Variants in METTL15 observed in about 807,000 individuals in gnomAD.
METTL15 encodes the protein methyltransferase 15, mitochondrial 12S rRNA N4-cytidine.
Under a neutral mutation model 38.3 loss-of-function variants are expected in METTL15, and 34 were observed. The ratio of observed to expected loss-of-function variants is 0.89; its 90% confidence interval spans 0.68 to 1.18. The LOEUF is 1.18. Ranked by LOEUF, METTL15 falls within the 50% of genes most tolerant of loss-of-function variation. The pLI is 0.00. For synonymous variants in METTL15, 162 were observed against 170.9 expected, an observed-to-expected ratio of 0.95 and a Z score of 0.41; for missense variants, 438 against 498.4, an observed-to-expected ratio of 0.88 and a Z score of 1.15.
chr11:28,214,185 G>A (rs1387611324), intron 4 of METTL15, among the ~76,000 whole-genome samples: 4 of 151,908 alleles, frequency 2.6e-5, no homozygotes, highest in Non-Finnish European at 5.9e-5. Context: ...TGGGACTACA[G>A]GTATGCACCT....
chr11:28,265,220 A>G (rs1034629743), intron 4 of METTL15, among the ~76,000 whole-genome samples: 2 of 151,812 alleles, frequency 1.3e-5, no homozygotes, highest in African/African-American at 2.4e-5. Flanking sequence ...AGTGGATCAT[A>G]GGGAGACTTG....
intron 6 of METTL15, among the ~76,000 whole-genome samples, chr11:28,476,868 C>T (rs187955918): frequency 2.0e-5 from 3 of 152,250 alleles, no homozygotes; most frequent in Admixed American, 2.0e-4. Context: ...TAGAACAAAT[C>T]ATATTGTGAG....
At chr11:28,160,267 T>C (rs1850411201) in intron 3 of METTL15, among the ~76,000 whole-genome samples, 1 of 152,064 alleles carries the variant, frequency 6.6e-6, no homozygotes, top group Non-Finnish European at 1.5e-5. Flanking sequence ...GTTATTGGAA[T>C]ATATATATTC....
At chr11:28,113,645 T>A in intron 3 of METTL15, 41 bp downstream of exon 3, 1 of 1,584,310 alleles carries the variant, frequency 6.3e-7, no homozygotes, top group Non-Finnish European at 8.6e-7. Context: ...TTTGTTGAGA[T>A]AAAATTCACT....
At chr11:28,208,622 A>T (rs1415270914) in intron 3 of METTL15, among the ~76,000 whole-genome samples, 2 of 152,166 alleles carry the variant, frequency 1.3e-5, no homozygotes, top group Admixed American at 1.3e-4. Flanking sequence ...GATGTCTATT[A>T]GGTCCGCTTT....
At chr11:28,145,988 A>G (rs1402496106) in intron 3 of METTL15, among the ~76,000 whole-genome samples, 1 of 152,070 alleles carries the variant, frequency 6.6e-6, no homozygotes, top group Non-Finnish European at 1.5e-5. Flanking sequence ...AGATATTTAA[A>G]TATGGCTTGG....
At chr11:28,481,078 A>G (rs1279637091) in intron 6 of METTL15, among the ~76,000 whole-genome samples, 1 of 152,230 alleles carries the variant, frequency 6.6e-6, no homozygotes, top group Admixed American at 6.5e-5. Context: ...ATCTACTTGA[A>G]AATGCATGAT....
intron 4 of METTL15, among the ~76,000 whole-genome samples, chr11:28,272,648 C>CT (rs1401996740): frequency 1.3e-5 from 2 of 152,126 alleles, no homozygotes; most frequent in Non-Finnish European, 2.9e-5. Context: ...AGCAAACCAC[C>CT]ATGGCACGTG....
intron 4 of METTL15, among the ~76,000 whole-genome samples, chr11:28,224,398 G>A (rs1184075186): frequency 3.3e-5 from 5 of 151,724 alleles, no homozygotes; most frequent in Non-Finnish European, 4.4e-5. Context: ...CTGGTATTTT[G>A]TGTTTCTTAG....
At chr11:28,495,549 A>G (rs1283727095) in intron 6 of METTL15, among the ~76,000 whole-genome samples, 1 of 152,082 alleles carries the variant, frequency 6.6e-6, no homozygotes. Context: ...ATTATAATGT[A>G]CTTCCTCTTG....
At position 28,409,369 on chromosome 11, in the gene METTL15, G is replaced by A. The variant is rs1393111039; in HGVS notation, c.*359-14930G>A. Among the ~76,000 whole-genome samples, 8 of 109,344 alleles carry A rather than the reference G, an allele frequency of 7.3e-5. No homozygotes were observed. The East Asian group carries it at 1.4e-3, about 19-fold the overall frequency. 71.7% of individuals were successfully genotyped at this position (109,344 alleles called of 152,430 possible). A position where few individuals can be genotyped will look rare whatever the true frequency, so the allele number is the denominator to read the frequency against. Reference sequence around the variant, plus strand: ...TGCACTCCAGCCTGGGAGACAGAGCGAGACTCCGTCTCAAAAAAAAAAAAA... The same window carrying A: ...TGCACTCCAGCCTGGGAGACAGAGCAAGACTCCGTCTCAAAAAAAAAAAAA... On this transcript the variant is annotated intron_variant and NMD_transcript_variant, in intron 5 of 7. Coordinates refer to the METTL15 transcript ENST00000532947.
chr11:28,385,334 G>A (rs1209213980), intron 5 of METTL15, among the ~76,000 whole-genome samples: 1 of 152,070 alleles, frequency 6.6e-6, no homozygotes, highest in Non-Finnish European at 1.5e-5. Flanking sequence ...GTGTAAGAAG[G>A]GATCCAGTTT....
downstream of METTL15, among the ~76,000 whole-genome samples, chr11:28,335,905 G>C (rs1849896587): frequency 6.6e-6 from 1 of 152,132 alleles, no homozygotes; most frequent in Admixed American, 6.6e-5. Context: ...GTTCTTTATA[G>C]AATTAAAAAT....
At chr11:28,129,914 T>G (rs1852684418) in intron 3 of METTL15, among the ~76,000 whole-genome samples, 1 of 152,100 alleles carries the variant, frequency 6.6e-6, no homozygotes, top group African/African-American at 2.4e-5. Flanking sequence ...ATACCAGTAT[T>G]AAGAAGACAC....
chr11:28,177,985 T>A (rs769082093), intron 3 of METTL15, among the ~76,000 whole-genome samples: 11 of 151,958 alleles, frequency 7.2e-5, no homozygotes, highest in Non-Finnish European at 1.6e-4. Flanking sequence ...CATTGCTGAT[T>A]TGGTTGGGAC....
chr11:28,407,489 A>G (rs1254416746), intron 5 of METTL15, among the ~76,000 whole-genome samples: 1 of 152,324 alleles, frequency 6.6e-6, no homozygotes, highest in East Asian at 1.9e-4. Context: ...CCCTTTAAAA[A>G]GCGGGCAAAG....
chr11:28,504,969 C>G lies in METTL15; in HGVS notation c.*425-21509C>G, dbSNP rs12286085. On this transcript the variant is annotated intron_variant and NMD_transcript_variant, in intron 6 of 7. Transcript: ENST00000532947. ...GTTCAGTTTATGCTTCACCACCAGACTAAGCAGCCCTGTAGTTTGACATGC... is the reference window on the plus strand; with the variant it reads ...GTTCAGTTTATGCTTCACCACCAGAGTAAGCAGCCCTGTAGTTTGACATGC... 0.027 allele frequency among the ~76,000 whole-genome samples: 4,077 copies of G among 152,248 alleles called. 313 individuals are homozygous for G. In the East Asian group the frequency reaches 0.31, roughly 12 times the overall value.
intron 6 of METTL15, among the ~76,000 whole-genome samples, chr11:28,523,126 A>T (rs892771313): frequency 6.6e-6 from 1 of 152,180 alleles, no homozygotes; most frequent in Non-Finnish European, 1.5e-5. Context: ...AAGTGGCATT[A>T]AAAAAGGGTA....
intron 3 of METTL15, among the ~76,000 whole-genome samples, chr11:28,204,501 G>A (rs547781837): frequency 2.1e-4 from 28 of 131,312 alleles, no homozygotes; most frequent in African/African-American, 6.0e-4. Flanking sequence ...ATTCCCTCAC[G>A]GAGCATTTGT....
Sources: allele counts gnomAD v4.1 joint callset (sites outside exome capture counted in the v4.1 genomes callset), GRCh38; gene constraint gnomAD v4.1.1; transcripts MANE v1.5; gene names NCBI Gene and HGNC (gene_info 2026-07-23, HGNC 2026-07-21).